FLCN: variants seen among roughly 807,000 people sequenced by gnomAD.
The protein encoded by FLCN is folliculin.
FLCN carries 22 observed loss-of-function variants against 62.5 expected under a neutral mutation model. That is an observed-to-expected ratio of 0.35 (90% CI 0.25 to 0.50). FLCN has a LOEUF of 0.50. Among genes scored for constraint, FLCN ranks in the 20% least tolerant of loss-of-function variants. The pLI is 0.97. For missense variants in FLCN, 657 were observed against 778.0 expected, an observed-to-expected ratio of 0.84 and a Z score of 1.85; for synonymous variants, 319 against 310.0, an observed-to-expected ratio of 1.03 and a Z score of -0.30.
At chr17:17,214,196 T>C (rs909192037) in intron 13 of FLCN, among the ~76,000 whole-genome samples, 1 of 152,170 alleles carries the variant, frequency 6.6e-6, no homozygotes, top group Non-Finnish European at 1.5e-5. Context: ...CTCCTAAGCT[T>C]CACTGCATGA....
At chr17:17,215,388 G>A in intron 11 of FLCN, 72 bp from the exon 12 acceptor site, 1 of 1,608,444 alleles carries the variant, frequency 6.2e-7, no homozygotes, top group East Asian at 2.2e-5. Context: ...AGCCCACCGT[G>A]GGCCCCACTC....
chr17:17,216,350 C>G lies in FLCN; in HGVS notation c.1300+30G>C, dbSNP rs1398639149. 1.2e-6 allele frequency: 2 copies of G among 1,612,492 alleles called. No individual in the cohort carries two copies. Among genetic ancestry groups the G allele is most frequent in the Non-Finnish European group, 1.7e-6 (2 of 1,179,400 alleles). On this transcript the variant is annotated intron_variant, in intron 11 of 13. Transcript: ENST00000285071. This position sits in a 1 kb window ranked among gnomAD's most constrained non-coding sequence, Gnocchi z 4.0. ...AGGCGTGGGGAACCTCAGCGCAGGG[C>G]ATGGCCCCACAGCCCGCGGGGGCAC...
chr17:17,217,446 CA>C (rs1448573276), intron 9 of FLCN: 3 of 532,600 alleles, frequency 5.6e-6, no homozygotes, highest in Admixed American at 3.2e-5. Flanking sequence ...AAATTTGAAG[CA>C]AAAAGATGTT....
intron 13 of FLCN, among the ~76,000 whole-genome samples, chr17:17,214,258 A>G (rs1257267621): frequency 6.6e-6 from 1 of 152,040 alleles, no homozygotes; most frequent in Non-Finnish European, 1.5e-5. Context: ...AAAATTACCA[A>G]GAATCGAGGC....
Position 17,228,114 on chromosome 17 carries a change from G to T in FLCN, c.24C>A (p.Cys8Ter). 6.2e-7 allele frequency: 1 copy of T among 1,613,208 alleles called. No homozygotes were observed. The highest frequency in any genetic ancestry group is 8.5e-7 in the Non-Finnish European group (1 of 1,180,032). ...GGGGGCCGTGGAGCTCGCAGAAGTG[G>T]CAGAGAGCCACGATGGCATTCATGG... MNAIVAL[C>*]HFCELHGPRT... The change falls in exon 4 of 14, where the codon TGC (cysteine) becomes TGA (stop). Residue 8 changes from cysteine (C) to a stop codon, truncating the protein, a stop_gained. Transcript: ENST00000285071. LOFTEE classifies it high-confidence loss of function.
chr17:17,219,448 T>C (rs1484664428), intron 8 of FLCN: 2 of 532,714 alleles, frequency 3.8e-6, no homozygotes, highest in African/African-American at 1.9e-5. Context: ...GACCGTCAGC[T>C]GTTCTCTGCT....
In FLCN at chr17:17,217,175, C is replaced by T; in HGVS notation, c.1070G>A (p.Gly357Asp). The change falls in exon 10 of 14, where the codon GGT (glycine) becomes GAT (aspartate). Residue 357 changes from glycine (G) to aspartate (D), a missense_variant. Coordinates refer to ENST00000285071, the MANE Select transcript of FLCN (RefSeq NM_144997.7). ...GGCCAGCATGCGGAAAGAAGGGGCA[C>T]CCAGGACCTAAACAAGAGAGTGCAG... ...KSLRHMRQVLGAPSFRMLAWH... is the reference protein window; with the variant it reads ...KSLRHMRQVLDAPSFRMLAWH... The T allele has an allele frequency of 6.2e-7, 1 of 1,612,182 alleles. No homozygotes were observed. Among genetic ancestry groups the T allele is most frequent in the Non-Finnish European group, 8.5e-7 (1 of 1,178,366 alleles).
chr17:17,216,954 G>A lies in FLCN; in HGVS notation c.1176+115C>T. The A allele has an allele frequency of 1.3e-6, 1 of 795,260 alleles. No individual in the cohort carries two copies. Among genetic ancestry groups the A allele is most frequent in the South Asian group, 1.4e-5 (1 of 69,824 alleles). 49.3% of individuals were successfully genotyped at this position (795,260 alleles called of 1,614,324 possible). A position where few individuals can be genotyped will look rare whatever the true frequency, so the allele number is the denominator to read the frequency against. ...CCACTGCGCCCCCAGTGGAGACCGT[G>A]TGGTGCACAGCGGTTCTGTGCTGGG... On this transcript the variant is annotated intron_variant, in intron 10 of 13. Transcript: ENST00000285071. This position sits in a 1 kb window ranked among gnomAD's most constrained non-coding sequence, Gnocchi z 4.0.
chr17:17,216,423 C>T lies in FLCN; in HGVS notation c.1257G>A (p.Gly419=), dbSNP rs747171802. 8.7e-6 allele frequency: 14 copies of T among 1,613,642 alleles called. No homozygotes were observed. Among genetic ancestry groups the T allele is most frequent in the Non-Finnish European group, 1.2e-5 (14 of 1,179,824 alleles). ...YEEAYRCNFL[G]LSPHVQIPPH... is the part of the protein sequence containing the mutation. The stretch of plus-strand genomic sequence containing the variant: ...GGGGGATCTGCACGTGCGGGCTGAG[C>T]CCCAGGAAGTTGCACCGATAGGCCT... The change falls in exon 11 of 14, where the codon GGG becomes GGA. Residue 419 remains glycine, a synonymous_variant. Transcript: ENST00000285071. The surrounding 1 kb of genome is among the most constrained non-coding windows in gnomAD (Gnocchi z 4.0).
At chr17:17,228,442 C>T (rs960492205) in intron 3 of FLCN, 27 of 423,560 alleles carry the variant, frequency 6.4e-5, no homozygotes, top group Middle Eastern at 6.8e-4. Flanking sequence ...ACAAAGCCAA[C>T]GGCGCTGGAA....
At chr17:17,235,266 G>A (rs1305042081) in intron 1 of FLCN, among the ~76,000 whole-genome samples, 1 of 151,634 alleles carries the variant, frequency 6.6e-6, no homozygotes, top group Non-Finnish European at 1.5e-5. Context: ...GGCAATAAGA[G>A]TAAAACTCCA....
In FLCN at chr17:17,213,693, T is replaced by C. The variant is rs748337450; in HGVS notation, c.1702A>G (p.Thr568Ala). The C allele has an allele frequency of 8.1e-6, 13 of 1,614,062 alleles. No homozygotes were observed. Among genetic ancestry groups the C allele is most frequent in the South Asian group, 3.3e-5 (3 of 91,068 alleles). Residue 568 changes from threonine to alanine, a missense_variant, in exon 14 of 14, where the codon ACG becomes GCG. Physicochemically the swap from Thr to Ala is moderately conservative, Grantham distance 58. Transcript: ENST00000285071. ...SKTYKSHLMS[T>A]VRSPTASESR... ...TCCGAGGCTGTGGGGCTGCGGACCGTGGACATGAGGTGTGACTTGTAGGTC... is the reference window on the plus strand; with the variant it reads ...TCCGAGGCTGTGGGGCTGCGGACCGCGGACATGAGGTGTGACTTGTAGGTC...
intron 5 of FLCN, chr17:17,225,912 A>C: frequency 1.6e-6 from 1 of 606,928 alleles, no homozygotes; most frequent in Admixed American, 2.8e-5. Flanking sequence ...AATAATAATA[A>C]AGAAAGGACA....
At position 17,212,811 on chromosome 17, in the gene FLCN, T is replaced by C. The variant is rs1378141269; in HGVS notation, c.*844A>G. On this transcript the variant is annotated 3_prime_UTR_variant, in exon 14 of 14. Transcript: ENST00000285071. ...CAAAAAAAAAAGTACAGTGGGATGA[T>C]GAAATTGTCTTCAATCACCACACTC... 4.5e-6 allele frequency: 1 copy of C among 219,922 alleles called. No individual in the cohort carries two copies. The highest frequency in any genetic ancestry group is 6.6e-5 in the East Asian group (1 of 15,222). 13.6% of individuals were successfully genotyped at this position (219,922 alleles called of 1,614,324 possible). A position where few individuals can be genotyped will look rare whatever the true frequency, so the allele number is the denominator to read the frequency against.
At chr17:17,214,926 C>T in intron 13 of FLCN, 59 bp downstream of exon 13, 2 of 1,568,406 alleles carry the variant, frequency 1.3e-6, no homozygotes, top group South Asian at 2.2e-5. Context: ...CTTTTGGAAA[C>T]AGCTCCAGGT....
Position 17,221,587 on chromosome 17 carries a change from A to G in FLCN, c.821T>C (p.Leu274Pro). The G allele has an allele frequency of 6.2e-7, 1 of 1,611,202 alleles. No individual in the cohort carries two copies. The highest frequency in any genetic ancestry group is 8.5e-7 in the Non-Finnish European group (1 of 1,179,990). ...ACGSRLTEKLLEGAPTEDTLV... is the reference protein window; with the variant it reads ...ACGSRLTEKLPEGAPTEDTLV... ...GGTATCCTCGGTCGGAGCACCTTCC[A>G]GGAGCTTCTCGGTCAGCCGGCTGCC... The change falls in exon 8 of 14, where the codon CTG becomes CCG. Residue 274 changes from leucine (L) to proline (P), a missense_variant. Transcript: ENST00000285071.
At chr17:17,217,389 A>C in intron 9 of FLCN, 2 of 605,832 alleles carry the variant, frequency 3.3e-6, no homozygotes, top group South Asian at 3.8e-5. Flanking sequence ...TAAATGCTAG[A>C]TTCCAAAGCT....
At position 17,216,414 on chromosome 17, in the gene FLCN, C is replaced by A. The variant is rs751013842; in HGVS notation, c.1266G>T (p.Pro422=). Residue 422 remains proline, a synonymous_variant, in exon 11 of 14, where the codon CCG becomes CCT. Transcript: ENST00000285071. This position sits in a 1 kb window ranked among gnomAD's most constrained non-coding sequence, Gnocchi z 4.0. ...AYRCNFLGLS[P]HVQIPPHVLS... ...GCACGTGGGGGGGGATCTGCACGTG[C>A]GGGCTGAGCCCCAGGAAGTTGCACC... The A allele has an allele frequency of 1.2e-6, 2 of 1,613,622 alleles. No individual in the cohort carries two copies. The highest frequency in any genetic ancestry group is 1.7e-6 in the Non-Finnish European group (2 of 1,179,782).
chr17:17,220,152 C>T (rs981542865), intron 8 of FLCN: 11 of 152,240 alleles, frequency 7.2e-5, no homozygotes, highest in African/African-American at 2.7e-4. Context: ...CTCAAGTGAT[C>T]CTCCCAACGA....
Sources: gnomAD v4.1 joint callset for allele counts (sites outside exome capture counted in the v4.1 genomes callset) on GRCh38, gnomAD v4.1.1 for gene constraint, Gnocchi (gnomAD v3.1) non-coding constraint, MANE v1.5 for transcripts, NCBI Gene and HGNC (gene_info 2026-07-23, HGNC 2026-07-21) for gene names.